The following MTPN variants were observed in gnomAD, a reference collection of about 807,000 sequenced individuals.
MTPN encodes granule cell differentiation protein.
A neutral mutation model predicts 13.5 loss-of-function variants in MTPN; 2 were observed. The observed-to-expected ratio is 0.15, with a 90% CI of 0.06 to 0.47. MTPN has a LOEUF of 0.47. MTPN is among the 20% of genes least tolerant of loss of function. MTPN has a pLI of 0.97. For synonymous variants in MTPN, 46 were observed against 51.7 expected, an observed-to-expected ratio of 0.89 and a Z score of 0.48; for missense variants, 79 against 137.9, an observed-to-expected ratio of 0.57 and a Z score of 2.14.
chr7:135,975,956 A>T (rs766030361), intron 1 of MTPN, among the ~76,000 whole-genome samples: 3 of 152,276 alleles, frequency 2.0e-5, no homozygotes, highest in Admixed American at 6.5e-5. Context: ...CCTCTGAAGC[A>T]AAAACCCAGG....
In MTPN at chr7:135,929,995, C is replaced by T. The variant is rs980614156; in HGVS notation, c.288G>A (p.Val96=). The T allele has an allele frequency of 6.2e-7, 1 of 1,609,444 alleles. No individual in the cohort carries two copies. The change falls in exon 4 of 4, where the codon GTG becomes GTA. Residue 96 remains valine (V), a synonymous_variant. Coordinates refer to ENST00000393085, the MANE Select transcript of MTPN (RefSeq NM_145808.4). The stretch of plus-strand genomic sequence containing the variant: ...AGGCGGTCAGTCCATCTGGGCCTTT[C>T]ACAGTCTTATCAGCACCCTGGAAAA... ...LLLSKGADKT[V]KGPDGLTAFE... is the part of the protein sequence containing the mutation.
intron 1 of MTPN, among the ~76,000 whole-genome samples, chr7:135,957,503 G>T (rs998272376): frequency 6.7e-6 from 1 of 149,138 alleles, no homozygotes; most frequent in East Asian, 2.0e-4. Context: ...TAAAAAATTG[G>T]AAAGAAAAAA....
In MTPN at chr7:135,967,487, C is replaced by T. The variant is rs540170456; in HGVS notation, c.72+9542G>A. ...GTGTAGCGGAAAACCAACCAACCAA[C>T]CCTCATCCAAGTTCAGGAAAACTGA... is the stretch of plus-strand genomic sequence containing the variant. On this transcript the variant is annotated intron_variant, in intron 1 of 3. Coordinates refer to ENST00000393085, the MANE Select transcript of MTPN (RefSeq NM_145808.4). Among the ~76,000 whole-genome samples the T allele has an allele frequency of 1.5e-3, 221 of 152,272 alleles. 1 individual carries two copies. The highest frequency in any genetic ancestry group is 2.3e-3 in the Non-Finnish European group (155 of 68,018).
In MTPN at chr7:135,977,128, G is replaced by A. The variant is rs550161034; in HGVS notation, c.-28C>T. ...CTGCAGCGGGGCAGGCCGGTTGGCC[G>A]GGCAGAAGATGAGGAGGCGGTGGCA... is the stretch of plus-strand genomic sequence containing the variant. On this transcript the variant is annotated 5_prime_UTR_variant, in exon 1 of 4. Coordinates refer to ENST00000393085, the MANE Select transcript of MTPN (RefSeq NM_145808.4). The A allele has an allele frequency of 1.2e-6, 2 of 1,613,208 alleles. No homozygotes were observed. The highest frequency in any genetic ancestry group is 1.7e-6 in the Non-Finnish European group (2 of 1,179,424).
chr7:135,973,621 A>G (rs1454737194), intron 1 of MTPN, among the ~76,000 whole-genome samples: 1 of 152,182 alleles, frequency 6.6e-6, no homozygotes. Flanking sequence ...AATGTCACCC[A>G]AAAGAAACAT....
intron 3 of MTPN, chr7:135,932,197 ACT>A (rs1028475219): frequency 3.3e-5 from 5 of 152,096 alleles, no homozygotes; most frequent in Non-Finnish European, 7.4e-5. Flanking sequence ...AAAGCGGAAT[ACT>A]CTCTCCTAGA....
chr7:135,964,553 A>G (rs2116399251), intron 1 of MTPN, among the ~76,000 whole-genome samples: 1 of 152,252 alleles, frequency 6.6e-6, no homozygotes, highest in African/African-American at 2.4e-5. Context: ...ATCTACTTTC[A>G]GTTTAAGAAT....
At chr7:135,969,585 C>CA (rs139923629) in intron 1 of MTPN, among the ~76,000 whole-genome samples, 1,575 of 150,934 alleles carry the variant, frequency 0.01, 29 homozygotes, top group African/African-American at 0.036. Flanking sequence ...GTCAAATGTC[C>CA]AAAATGGAAG....
intron 3 of MTPN, among the ~76,000 whole-genome samples, chr7:135,941,257 T>C (rs1799205313): frequency 6.6e-6 from 1 of 152,182 alleles, no homozygotes; most frequent in Non-Finnish European, 1.5e-5. Context: ...ATGAATACTA[T>C]TAAACCCACT....
At chr7:135,938,991 C>G (rs1166253234) in intron 3 of MTPN, among the ~76,000 whole-genome samples, 4 of 152,098 alleles carry the variant, frequency 2.6e-5, no homozygotes, top group Non-Finnish European at 5.9e-5. Flanking sequence ...TTTCCCCCCA[C>G]AGTACTTGTT....
rs1201969813 is a variant in MTPN, at chr7:135,929,068, CTCTT to C, written c.*854_*857del. On this transcript the variant is annotated 3_prime_UTR_variant, in exon 4 of 4. Coordinates refer to ENST00000393085, the MANE Select transcript of MTPN (RefSeq NM_145808.4). The stretch of plus-strand genomic sequence containing the variant: ...CCATAGGTACTAAGATAACTGTTCT[CTCTT>C]CATATGATACTAACAGGCTTATGGC... 1 of 167,072 alleles carries C rather than the reference CTCTT, an allele frequency of 6.0e-6. No individual in the cohort carries two copies. The highest frequency in any genetic ancestry group is 1.5e-5 in the Non-Finnish European group (1 of 68,118). The allele number at this position is 167,072 out of a possible 1,614,324, so 10.3% of individuals were successfully genotyped here. A position where few individuals can be genotyped will look rare whatever the true frequency, so the allele number is the denominator to read the frequency against.
chr7:135,973,776 G>T (rs1799731368), intron 1 of MTPN, among the ~76,000 whole-genome samples: 1 of 152,088 alleles, frequency 6.6e-6, no homozygotes, highest in South Asian at 2.1e-4. Context: ...ATAAAAGTAT[G>T]AATTTTTTTT....
At position 135,928,007 on chromosome 7, in the gene MTPN, CAA is replaced by C; in HGVS notation, c.*1917_*1918del. ...TGTCAAGAGGTGAAAACAAAGGTAT[CAA>C]AACACCCTGTTGCACTACGTTGATA... is the stretch of plus-strand genomic sequence containing the variant. On this transcript the variant is annotated 3_prime_UTR_variant, in exon 4 of 4. Transcript: ENST00000393085. 1 of 268,752 alleles carries C rather than the reference CAA, an allele frequency of 3.7e-6. No homozygotes were observed. The allele number at this position is 268,752 out of a possible 1,614,324, so 16.6% of individuals were successfully genotyped here. A position where few individuals can be genotyped will look rare whatever the true frequency, so the allele number is the denominator to read the frequency against.
intron 3 of MTPN, among the ~76,000 whole-genome samples, chr7:135,937,860 A>G (rs767734552): frequency 2.6e-5 from 4 of 152,190 alleles, no homozygotes; most frequent in Non-Finnish European, 5.9e-5. Flanking sequence ...AATGAATAGT[A>G]AATGTAGTTT....
At chr7:135,934,482 A>G (rs1182862155) in intron 3 of MTPN, among the ~76,000 whole-genome samples, 1 of 152,236 alleles carries the variant, frequency 6.6e-6, no homozygotes, top group Non-Finnish European at 1.5e-5. Flanking sequence ...TGCATATCCC[A>G]GTAGCCTAAA....
intron 1 of MTPN, among the ~76,000 whole-genome samples, chr7:135,973,464 A>G (rs1434291355): frequency 6.6e-6 from 1 of 150,584 alleles, no homozygotes; most frequent in East Asian, 2.0e-4. Flanking sequence ...ATGGAGACAC[A>G]ATAGGAATAA....
chr7:135,957,342 A>G (rs1176384977), intron 1 of MTPN, among the ~76,000 whole-genome samples: 2 of 152,014 alleles, frequency 1.3e-5, no homozygotes, highest in Non-Finnish European at 2.9e-5. Flanking sequence ...TAAGAGTAAG[A>G]TGAGGATTTA....
At position 135,941,883 on chromosome 7, in the gene MTPN, T is replaced by C. The variant is rs1480209787; in HGVS notation, c.270+8716A>G. Among the ~76,000 whole-genome samples, 3 of 124,798 alleles carry C rather than the reference T, an allele frequency of 2.4e-5. No individual in the cohort carries two copies. In the East Asian group the frequency reaches 6.8e-4, roughly 28 times the overall value. The allele number at this position is 124,798 out of a possible 152,430, so 81.9% of individuals were successfully genotyped here. On this transcript the variant is annotated intron_variant, in intron 3 of 3. Transcript: ENST00000393085. ...TCACATATTGAGCTGTTATATTACT[T>C]TTTTTTTTTTTTTTTTGAGACGGGA...
rs1240373471 is a variant in MTPN, at chr7:135,927,134, T to C, written c.*2792A>G. ...AGAAAACAGCAGCTCAACTGAAATA[T>C]TAGAAAAAAAAATCAAACAGATACA... On this transcript the variant is annotated 3_prime_UTR_variant, in exon 4 of 4. Transcript: ENST00000393085. 3.5e-6 allele frequency: 2 copies of C among 574,272 alleles called. No individual in the cohort carries two copies. The highest frequency in any genetic ancestry group is 5.6e-6 in the Non-Finnish European group (2 of 358,582). 35.6% of individuals were successfully genotyped at this position (574,272 alleles called of 1,614,324 possible). A position where few individuals can be genotyped will look rare whatever the true frequency, so the allele number is the denominator to read the frequency against.
Sources: allele counts gnomAD v4.1 joint callset (sites outside exome capture counted in the v4.1 genomes callset), GRCh38; gene constraint gnomAD v4.1.1; transcripts MANE v1.5; gene names NCBI Gene and HGNC (gene_info 2026-07-23, HGNC 2026-07-21).